Variants in MPP7 observed in about 807,000 individuals in gnomAD.
MPP7 encodes the protein MAGUK p55 scaffold protein 7, also known as MAGUK p55 subfamily member 7.
MPP7 carries 60 observed loss-of-function variants against 76.5 expected under a neutral mutation model. The observed-to-expected ratio is 0.78, with a 90% CI of 0.64 to 0.97. The LOEUF (loss-of-function observed/expected upper bound fraction) is 0.97, where lower values mean the gene tolerates loss of function less well. Ranked by LOEUF, MPP7 falls within the 50% of genes least tolerant of loss-of-function variation. The probability of loss-of-function intolerance (pLI) is 0.00; values close to 1 mark genes in which losing one functional copy is unlikely to be tolerated. For synonymous variants in MPP7, 237 were observed against 244.5 expected (o/e 0.97, Z 0.29); for missense variants, 641 against 694.0 (o/e 0.92, Z 0.86).
intron 3 of MPP7, 149 bp downstream of exon 3, chr10:28,202,004 T>A: frequency 7.8e-6 from 5 of 638,030 alleles, no homozygotes; most frequent in Non-Finnish European, 1.4e-5. Context: ...TTTGGTAGAA[T>A]CTTTAACAAC....
intron 1 of MPP7, among the ~76,000 whole-genome samples, chr10:28,279,459 T>C (rs560195225): frequency 6.6e-6 from 1 of 152,154 alleles, no homozygotes; most frequent in Admixed American, 6.5e-5. Context: ...ACAGGCGCAG[T>C]GGCTCATGCC....
rs1851445662 is a variant in MPP7, at chr10:28,053,896, T to C, written c.*169A>G. Reference sequence around the variant, plus strand: ...TGATTTCGGATCTTATACTAACACATGGCGTTTGAAATAAGGCTGTAAAAA... The same window carrying C: ...TGATTTCGGATCTTATACTAACACACGGCGTTTGAAATAAGGCTGTAAAAA... On this transcript the variant is annotated 3_prime_UTR_variant, in exon 17 of 17. Coordinates refer to ENST00000683449, the MANE Select transcript of MPP7 (RefSeq NM_001318170.2). The C allele has an allele frequency of 8.0e-6, 5 of 626,072 alleles. No individual in the cohort carries two copies. The highest frequency in any genetic ancestry group is 2.7e-5 in the East Asian group (1 of 36,726). 38.8% of individuals were successfully genotyped at this position (626,072 alleles called of 1,614,324 possible). A position where few individuals can be genotyped will look rare whatever the true frequency, so the allele number is the denominator to read the frequency against.
In MPP7 at chr10:28,099,571, G is replaced by A. The variant is rs537245863; in HGVS notation, c.953-9730C>T. Among the ~76,000 whole-genome samples the A allele has an allele frequency of 8.5e-5, 13 of 152,278 alleles. No homozygotes were observed. In the South Asian group the frequency reaches 1.2e-3, roughly 15 times the overall value. Reference sequence around the variant, plus strand: ...TGTAATCCCAACCCTCTGGGAGGCCGAGGCGGGTGGATCACCTGAGGTCGG... The same window carrying A: ...TGTAATCCCAACCCTCTGGGAGGCCAAGGCGGGTGGATCACCTGAGGTCGG... On this transcript the variant is annotated intron_variant, in intron 11 of 16. Coordinates refer to ENST00000683449, the MANE Select transcript of MPP7 (RefSeq NM_001318170.2).
intron 3 of MPP7, among the ~76,000 whole-genome samples, chr10:28,177,767 G>A (rs1836924058): frequency 1.3e-5 from 2 of 152,290 alleles, no homozygotes; most frequent in East Asian, 1.9e-4. Flanking sequence ...GGAAGCCACC[G>A]CATAGAACCA....
At chr10:28,275,942 T>A (rs1357198859) in intron 1 of MPP7, among the ~76,000 whole-genome samples, 1 of 151,968 alleles carries the variant, frequency 6.6e-6, no homozygotes, top group African/African-American at 2.4e-5. Flanking sequence ...CTCATAATCA[T>A]TATACCTCTT....
chr10:28,163,266 T>A (rs1836326960), intron 3 of MPP7, among the ~76,000 whole-genome samples: 1 of 152,284 alleles, frequency 6.6e-6, no homozygotes, highest in South Asian at 2.1e-4. Context: ...ATCCAGAGCC[T>A]TTCCCAACTT....
chr10:28,227,275 G>C (rs201234940), intron 2 of MPP7, among the ~76,000 whole-genome samples: 2 of 152,108 alleles, frequency 1.3e-5, no homozygotes, highest in Non-Finnish European at 2.9e-5. Context: ...AACAGCTTGA[G>C]GTCAACTACA....
chr10:28,314,363 A>G (rs1841307208), intron 2 of MPP7, among the ~76,000 whole-genome samples: 1 of 152,234 alleles, frequency 6.6e-6, no homozygotes, highest in South Asian at 2.1e-4. Flanking sequence ...CCAGTGTAAC[A>G]TAAGGATTAT....
intron 2 of MPP7, among the ~76,000 whole-genome samples, chr10:28,206,128 CAAA>C: frequency 6.6e-6 from 1 of 152,090 alleles, no homozygotes; most frequent in African/African-American, 2.4e-5. Context: ...TATAGCAGTA[CAAA>C]ACTGACTAAG....
intron 1 of MPP7, among the ~76,000 whole-genome samples, chr10:28,267,510 C>G (rs1030006819): frequency 6.6e-6 from 1 of 152,128 alleles, no homozygotes; most frequent in Non-Finnish European, 1.5e-5. Context: ...ATCCAAAATG[C>G]TCCAGAATCC....
chr10:28,178,157 G>A (rs1264277096), intron 3 of MPP7, among the ~76,000 whole-genome samples: 1 of 152,070 alleles, frequency 6.6e-6, no homozygotes, highest in Non-Finnish European at 1.5e-5. Flanking sequence ...ATCGCAGGAT[G>A]TTCAGCAGCA....
At chr10:28,231,347 G>C (rs1456292795) in intron 2 of MPP7, among the ~76,000 whole-genome samples, 1 of 151,306 alleles carries the variant, frequency 6.6e-6, no homozygotes, top group Non-Finnish European at 1.5e-5. Flanking sequence ...ATTAGGAAAA[G>C]GGAAAGATTA....
At chr10:28,106,280 A>G (rs927011374) in intron 11 of MPP7, among the ~76,000 whole-genome samples, 4 of 152,214 alleles carry the variant, frequency 2.6e-5, no homozygotes, top group Non-Finnish European at 5.9e-5. Flanking sequence ...TCTCGCTACT[A>G]AAAGCAGAGA....
chr10:28,255,296 T>G lies in MPP7; in HGVS notation c.-131-16561A>C, dbSNP rs552836816. On this transcript the variant is annotated intron_variant, in intron 1 of 16. Transcript: ENST00000683449. ...GCCTGACTAGTTTTTGTATTTTTAG[T>G]AGAGACGGGGTTTCACCATGTTGGC... Among the ~76,000 whole-genome samples, 8 of 152,088 alleles carry G rather than the reference T, an allele frequency of 5.3e-5. No homozygotes were observed. The South Asian group carries it at 1.7e-3, about 32-fold the overall frequency.
At chr10:28,144,164 T>G (rs1202975940) in intron 5 of MPP7, among the ~76,000 whole-genome samples, 4 of 152,078 alleles carry the variant, frequency 2.6e-5, no homozygotes, top group African/African-American at 9.7e-5. Context: ...GCTAGTGCTC[T>G]ATGTGAATTA....
chr10:28,184,206 T>TTA (rs55897856), intron 3 of MPP7, among the ~76,000 whole-genome samples: 121,733 of 147,748 alleles, frequency 0.82, 50,759 homozygotes, highest in African/African-American at 0.89. Flanking sequence ...ATATATATCT[T>TTA]TATATGTTAA....
intron 2 of MPP7, among the ~76,000 whole-genome samples, chr10:28,204,661 A>T (rs1241852372): frequency 6.6e-6 from 1 of 152,204 alleles, no homozygotes; most frequent in East Asian, 1.9e-4. Flanking sequence ...CAATTATCTC[A>T]AAATAAAATG....
At chr10:28,333,294 C>T (rs1328823936) in intron 1 of MPP7, among the ~76,000 whole-genome samples, 2 of 152,084 alleles carry the variant, frequency 1.3e-5, no homozygotes, top group African/African-American at 2.4e-5. Context: ...TACAGGCACC[C>T]GCCACCACAC....
chr10:28,275,981 A>G (rs961702214), intron 1 of MPP7, among the ~76,000 whole-genome samples: 3 of 151,850 alleles, frequency 2.0e-5, no homozygotes, highest in Non-Finnish European at 4.4e-5. Context: ...TAGGTCTGCA[A>G]TAAAGATGAA....
Sources: gnomAD v4.1 joint callset for allele counts (sites outside exome capture counted in the v4.1 genomes callset) on GRCh38, gnomAD v4.1.1 for gene constraint, MANE v1.5 for transcripts, NCBI Gene and HGNC (gene_info 2026-07-23, HGNC 2026-07-21) for gene names.